Variants in PKP4 observed in about 807,000 individuals in gnomAD.
PKP4 encodes plakophilin-4.
Under a neutral mutation model 145.1 loss-of-function variants are expected in PKP4, and 90 were observed. The observed-to-expected ratio is 0.62, with a 90% CI of 0.52 to 0.74. PKP4 has a LOEUF of 0.74. Ranked by LOEUF, PKP4 falls within the 30% of genes least tolerant of loss-of-function variation. The pLI, the probability that PKP4 is intolerant of heterozygous loss-of-function variation, is 0.00. For synonymous variants in PKP4, 563 were observed against 577.2 expected (o/e 0.98, Z 0.35); for missense variants, 1,340 against 1,482.7 (o/e 0.90, Z 1.58).
chr2:158,600,421 C>T (rs781543261), intron 3 of PKP4, among the ~76,000 whole-genome samples: 12 of 152,228 alleles, frequency 7.9e-5, no homozygotes, highest in Non-Finnish European at 1.0e-4. Flanking sequence ...CCTACAGACA[C>T]ATTGTAGCCA....
intron 1 of PKP4, among the ~76,000 whole-genome samples, chr2:158,462,598 T>C (rs1303420917): frequency 2.0e-5 from 3 of 152,224 alleles, no homozygotes; most frequent in Non-Finnish European, 4.4e-5. Context: ...GCTGTCTGCC[T>C]CTACCCTAGT....
intron 9 of PKP4, 90 bp from the exon 10 acceptor site, chr2:158,640,537 C>G (rs898687582): frequency 1.0e-5 from 14 of 1,404,178 alleles, no homozygotes; most frequent in African/African-American, 1.5e-5. Flanking sequence ...TTTGTCTCAG[C>G]TGAGCTTTTT....
intron 3 of PKP4, among the ~76,000 whole-genome samples, chr2:158,582,549 C>T (rs1193849607): frequency 2.0e-5 from 3 of 152,156 alleles, no homozygotes; most frequent in Non-Finnish European, 4.4e-5. Flanking sequence ...AAGACAAAAA[C>T]GCTAATGAAT....
At chr2:158,515,150 TGGG>T (rs2041833932) in intron 1 of PKP4, among the ~76,000 whole-genome samples, 1 of 152,170 alleles carries the variant, frequency 6.6e-6, no homozygotes, top group Non-Finnish European at 1.5e-5. Context: ...ATAACCCAGA[TGGG>T]GGAATTTATC....
At chr2:158,629,077 C>T (rs115383291) in intron 7 of PKP4, among the ~76,000 whole-genome samples, 2,693 of 152,290 alleles carry the variant, frequency 0.018, 45 homozygotes, top group Middle Eastern at 0.061. Context: ...AGAAATAGAG[C>T]TTAGACTCTG....
At chr2:158,550,235 T>C (rs1191977931) in intron 2 of PKP4, among the ~76,000 whole-genome samples, 1 of 152,322 alleles carries the variant, frequency 6.6e-6, no homozygotes, top group East Asian at 1.9e-4. Flanking sequence ...AATGAATCTA[T>C]AGCAGTATTT....
At position 158,621,060 on chromosome 2, in the gene PKP4, G is replaced by T; in HGVS notation, c.351G>T (p.Arg117Ser). 1 of 1,614,092 alleles carries T rather than the reference G, an allele frequency of 6.2e-7. No individual in the cohort carries two copies. Among genetic ancestry groups the T allele is most frequent in the Non-Finnish European group, 8.5e-7 (1 of 1,180,002 alleles). The change falls in exon 5 of 22, where the codon AGG becomes AGT. Residue 117 changes from arginine to serine, a missense_variant. By Grantham distance (110) the Arg-to-Ser change is moderately radical (BLOSUM62 -1). Transcript: ENST00000389759. ...DAVQPNNYLIRTEPEQGTLYS... is the reference protein window; with the variant it reads ...DAVQPNNYLISTEPEQGTLYS... ...TCCAGCCCAACAACTATCTCATCAG[G>T]ACAGAGCCAGAACAAGGAACCCTCT... is the stretch of plus-strand genomic sequence containing the variant.
At chr2:158,516,909 C>T (rs995509531) in intron 1 of PKP4, among the ~76,000 whole-genome samples, 1 of 152,166 alleles carries the variant, frequency 6.6e-6, no homozygotes, top group African/African-American at 2.4e-5. Context: ...GATCCGCCTG[C>T]CTCAGCCTCC....
chr2:158,486,503 C>A (rs999776050), intron 1 of PKP4, among the ~76,000 whole-genome samples: 2 of 152,178 alleles, frequency 1.3e-5, no homozygotes, highest in Non-Finnish European at 2.9e-5. Context: ...ATAAGACCTA[C>A]AGATATTATT....
chr2:158,533,423 T>C, intron 2 of PKP4, 107 bp downstream of exon 2: 1 of 1,316,904 alleles, frequency 7.6e-7, no homozygotes, highest in Admixed American at 2.0e-5. Context: ...CGCCTTCACG[T>C]TTTCTAATTA....
intron 2 of PKP4, among the ~76,000 whole-genome samples, chr2:158,563,849 GC>G (rs1478944062): frequency 6.6e-6 from 1 of 151,976 alleles, no homozygotes; most frequent in African/African-American, 2.4e-5. Context: ...GTTAGAATAG[GC>G]CATAATAGGT....
chr2:158,463,780 A>G (rs145979186), intron 1 of PKP4, among the ~76,000 whole-genome samples: 16 of 152,316 alleles, frequency 1.1e-4, no homozygotes, highest in South Asian at 8.3e-4. Flanking sequence ...CCTCTGGGAT[A>G]AGGAGGGAAA....
chr2:158,544,230 G>A (rs2044764028), intron 2 of PKP4, among the ~76,000 whole-genome samples: 1 of 152,168 alleles, frequency 6.6e-6, no homozygotes, highest in African/African-American at 2.4e-5. Context: ...CTGTTAGACA[G>A]TGGGGATAAG....
At position 158,603,069 on chromosome 2, in the gene PKP4, G is replaced by T. The variant is rs2050358638; in HGVS notation, c.246-1G>T. 6.7e-7 allele frequency: 1 copy of T among 1,489,766 alleles called. No homozygotes were observed. The highest frequency in any genetic ancestry group is 9.1e-7 in the Non-Finnish European group (1 of 1,101,596). 92.3% of individuals were successfully genotyped at this position (1,489,766 alleles called of 1,614,324 possible). ...CCATTTTTTTCTTTCTTTTTCTTTA[G>T]CTCAACTGAGAAGTCATTTCCTTGG... On this transcript the variant is annotated splice_acceptor_variant, in intron 3 of 21. Transcript: ENST00000389759. LOFTEE classifies it high-confidence loss of function.
rs2056776704 is a variant in PKP4, at chr2:158,663,281, G to A, written c.2413G>A (p.Val805Ile). The A allele has an allele frequency of 1.2e-6, 2 of 1,613,008 alleles. No homozygotes were observed. The highest frequency in any genetic ancestry group is 1.7e-6 in the Non-Finnish European group (2 of 1,179,646). ...GCTGTTTGTCTTTCAGTGGGATGGA[G>A]TTGGTCCTATCCCAGGACTGTCGAA... is the stretch of plus-strand genomic sequence containing the variant. The part of the protein sequence containing the change: ...RTPQEDQWDG[V>I]GPIPGLSKSP... The change falls in exon 15 of 22, where the codon GTT becomes ATT. Residue 805 changes from valine (V) to isoleucine (I), a missense_variant. By Grantham distance (29) the Val-to-Ile change is conservative. Coordinates refer to ENST00000389759, the MANE Select transcript of PKP4 (RefSeq NM_003628.6).
intron 4 of PKP4, among the ~76,000 whole-genome samples, chr2:158,616,454 T>A (rs943832863): frequency 6.6e-6 from 1 of 150,860 alleles, no homozygotes; most frequent in Non-Finnish European, 1.5e-5. Flanking sequence ...GGAAGTTGAG[T>A]CCATGTAACA....
At chr2:158,624,855 CTT>C (rs770551067) in intron 6 of PKP4, 21 bp from the exon 7 acceptor site, 1 of 1,543,352 alleles carries the variant, frequency 6.5e-7, no homozygotes, top group Admixed American at 1.9e-5. Context: ...AACCCATTCT[CTT>C]TTTTCCCCCC....
intron 4 of PKP4, among the ~76,000 whole-genome samples, chr2:158,614,325 G>C (rs964372379): frequency 4.6e-5 from 7 of 152,080 alleles, no homozygotes; most frequent in African/African-American, 1.7e-4. Context: ...CAAAAGTTTT[G>C]AAATATCAAG....
intron 1 of PKP4, among the ~76,000 whole-genome samples, chr2:158,505,235 A>G (rs548636163): frequency 6.6e-6 from 1 of 152,318 alleles, no homozygotes; most frequent in South Asian, 2.1e-4. Context: ...GGCATGCTGA[A>G]TATCTGGGAG....
Sources: allele counts gnomAD v4.1 joint callset (sites outside exome capture counted in the v4.1 genomes callset), GRCh38; gene constraint gnomAD v4.1.1; transcripts MANE v1.5; gene names NCBI Gene and HGNC (gene_info 2026-07-23, HGNC 2026-07-21).